The following GRPEL2 variants were observed in gnomAD, a reference collection of about 807,000 sequenced individuals.
GRPEL2 encodes the protein grpE protein homolog 2, mitochondrial.
A neutral mutation model predicts 25.9 loss-of-function variants in GRPEL2; 18 were observed. The ratio of observed to expected loss-of-function variants is 0.70; its 90% CI spans 0.48 to 1.03. The LOEUF is 1.03. Among genes scored for constraint, GRPEL2 ranks in the 50% least tolerant of loss-of-function variants. GRPEL2 has a pLI of 0.00. For synonymous variants in GRPEL2, 106 were observed against 107.9 expected (o/e 0.98, Z 0.11); for missense variants, 247 against 276.2 (o/e 0.89, Z 0.75).
chr5:149,350,944 G>C lies in GRPEL2; in HGVS notation c.340G>C (p.Val114Leu), dbSNP rs1369521547. ...FGIQSFCKDL[V>L]EVADILEKTT... is the part of the protein sequence containing the mutation. ...AATCCAGAGTTTCTGTAAGGACTTG[G>C]TGGAGGTGGCTGACATTTTGGAGAA... Residue 114 changes from valine (V) to leucine (L), a missense_variant, in exon 4 of 4, where the codon GTG becomes CTG. Val to Leu is a conservative substitution (Grantham distance 32). Around this residue, in one of 2 missense-constraint regions of GRPEL2, gnomAD observed 122 missense variants for 169.2 expected, o/e 0.72. Transcript: ENST00000329271. 3 of 1,613,882 alleles carry C rather than the reference G, an allele frequency of 1.9e-6. No homozygotes were observed. The highest frequency in any genetic ancestry group is 1.3e-5 in the African/African-American group (1 of 74,938).
Position 149,351,245 on chromosome 5 carries a change from G to T in GRPEL2, c.641G>T (p.Arg214Leu). The T allele has an allele frequency of 6.2e-7, 1 of 1,611,414 alleles. No individual in the cohort carries two copies. Among genetic ancestry groups the T allele is most frequent in the South Asian group, 1.1e-5 (1 of 91,030 alleles). ...KLHGRTIRLA[R>L]VEVAVESQRR... ...CATGGCCGCACCATTAGGCTTGCCC[G>T]AGTGGAAGTGGCAGTGGAGTCTCAG... The change falls in exon 4 of 4, where the codon CGA becomes CTA. Residue 214 changes from arginine (R) to leucine (L), a missense_variant. Physicochemically the swap from Arg to Leu is moderately radical, Grantham distance 102. Coordinates refer to ENST00000329271, the MANE Select transcript of GRPEL2 (RefSeq NM_152407.4).
Position 149,351,356 on chromosome 5 carries a change from G to A in GRPEL2, c.*74G>A, listed in dbSNP as rs1581359450. On this transcript the variant is annotated 3_prime_UTR_variant, in exon 4 of 4. Transcript: ENST00000329271. ...TTCTTTTATTTATTAAACTAGGTTT[G>A]TATTGTACATGAGGTACTTCATGTG... The A allele has an allele frequency of 3.5e-6, 5 of 1,447,262 alleles. No homozygotes were observed. The East Asian group carries it at 1.1e-4, about 33-fold the overall frequency. 89.7% of individuals were successfully genotyped at this position (1,447,262 alleles called of 1,614,324 possible). A position where few individuals can be genotyped will look rare whatever the true frequency, so the allele number is the denominator to read the frequency against.
rs1757786479 is a variant in GRPEL2, at chr5:149,352,191, T to G, written c.*909T>G. ...TGGTGATCAGGACAAAAGTGTTAGGTTCCCATGATTTCTCATTTCATTTAT... is the reference window on the plus strand; with the variant it reads ...TGGTGATCAGGACAAAAGTGTTAGGGTCCCATGATTTCTCATTTCATTTAT... On this transcript the variant is annotated 3_prime_UTR_variant, in exon 4 of 4. Transcript: ENST00000329271. 6.6e-6 allele frequency: 1 copy of G among 152,356 alleles called. No homozygotes were observed. The highest frequency in any genetic ancestry group is 1.9e-4 in the East Asian group (1 of 5,192). 9.4% of individuals were successfully genotyped at this position (152,356 alleles called of 1,614,324 possible). A position where few individuals can be genotyped will look rare whatever the true frequency, so the allele number is the denominator to read the frequency against.
At position 149,345,631 on chromosome 5, in the gene GRPEL2, C is replaced by T; in HGVS notation, c.77+15C>T. ...TGGGAGAGCAAGTAAGCATTGCAGG[C>T]GGGGAGTCGGGAGCGTGAGGACTCT... On this transcript the variant is annotated intron_variant, in intron 1 of 3. Transcript: ENST00000329271. 1 of 1,597,042 alleles carries T rather than the reference C, an allele frequency of 6.3e-7. No homozygotes were observed. Among genetic ancestry groups the T allele is most frequent in the Non-Finnish European group, 8.5e-7 (1 of 1,171,884 alleles).
Position 149,352,002 on chromosome 5 carries a change from G to A in GRPEL2, c.*720G>A, listed in dbSNP as rs1276729207. On this transcript the variant is annotated 3_prime_UTR_variant, in exon 4 of 4. Coordinates refer to ENST00000329271, the MANE Select transcript of GRPEL2 (RefSeq NM_152407.4). The stretch of plus-strand genomic sequence containing the variant: ...GTCTTTGCTCTTCAAATTATTTTCA[G>A]CCTCCTTGTCATATAATCATTTCAG... The A allele has an allele frequency of 6.6e-6, 1 of 152,138 alleles. No homozygotes were observed. The highest frequency in any genetic ancestry group is 1.5e-5 in the Non-Finnish European group (1 of 68,030). 9.4% of individuals were successfully genotyped at this position (152,138 alleles called of 1,614,324 possible).
At chr5:149,347,406 C>A (rs1757706583) in intron 1 of GRPEL2, among the ~76,000 whole-genome samples, 1 of 152,170 alleles carries the variant, frequency 6.6e-6, no homozygotes, top group Middle Eastern at 3.2e-3. Flanking sequence ...GATTGATTTT[C>A]AAGATAATTT....
intron 1 of GRPEL2, among the ~76,000 whole-genome samples, chr5:149,347,846 A>ATGCCCAC (rs1249490745): frequency 6.6e-6 from 1 of 152,136 alleles, no homozygotes; most frequent in Non-Finnish European, 1.5e-5. Context: ...GACTTTTTGA[A>ATGCCCAC]TGCCCACTTC....
chr5:149,347,967 G>A (rs189257357), intron 1 of GRPEL2: 8 of 225,550 alleles, frequency 3.5e-5, no homozygotes, highest in African/African-American at 6.8e-5. Context: ...CTGACCCAGC[G>A]GAATACCAAC....
At position 149,348,434 on chromosome 5, in the gene GRPEL2, A is replaced by C; in HGVS notation, c.231+9A>C. The C allele has an allele frequency of 6.3e-7, 1 of 1,581,226 alleles. No individual in the cohort carries two copies. The highest frequency in any genetic ancestry group is 8.6e-7 in the Non-Finnish European group (1 of 1,166,942). ...AAGTCCAAGATTTAACAGTGAGTCA[A>C]TTTTATATTTCTTCTTCATATCCTC... On this transcript the variant is annotated intron_variant, in intron 2 of 3. Transcript: ENST00000329271.
In GRPEL2 at chr5:149,348,328, G is replaced by A. The variant is rs757834160; in HGVS notation, c.134G>A (p.Arg45His). The change falls in exon 2 of 4, where the codon CGT becomes CAT. Residue 45 changes from arginine (R) to histidine (H), a missense_variant. Physicochemically the swap from Arg to His is conservative, Grantham distance 29. This residue lies in a region of GRPEL2 where 125 missense variants were observed against 107.0 expected (regional missense o/e 1.17). Transcript: ENST00000329271. ...CAGAGAACTGCTGGTGAGGACTGCC[G>A]TTCTGAGGACCCTCCTGATGAGCTT... The part of the protein sequence containing the change: ...ATQRTAGEDC[R>H]SEDPPDELGP... 30 of 1,613,116 alleles carry A rather than the reference G, an allele frequency of 1.9e-5. No homozygotes were observed. Among genetic ancestry groups the A allele is most frequent in the African/African-American group, 2.7e-5 (2 of 74,990 alleles).
intron 2 of GRPEL2, among the ~76,000 whole-genome samples, chr5:149,348,931 T>G (rs987512251): frequency 1.3e-5 from 2 of 151,950 alleles, no homozygotes; most frequent in Non-Finnish European, 2.9e-5. Flanking sequence ...CCACGAATTG[T>G]CTTAAGAATG....
chr5:149,349,238 C>T (rs1011175217), intron 2 of GRPEL2, among the ~76,000 whole-genome samples: 1 of 152,140 alleles, frequency 6.6e-6, no homozygotes, highest in African/African-American at 2.4e-5. Flanking sequence ...TCAAGTGATT[C>T]GCCCATCTCA....
chr5:149,347,229 T>G (rs539812350), intron 1 of GRPEL2, among the ~76,000 whole-genome samples: 3 of 152,206 alleles, frequency 2.0e-5, no homozygotes, highest in Non-Finnish European at 4.4e-5. Flanking sequence ...AAAAGTCCTC[T>G]TGCTTACACC....
Position 149,352,469 on chromosome 5 carries a change from C to A in GRPEL2, c.*1187C>A, listed in dbSNP as rs1414106825. 6.6e-6 allele frequency: 1 copy of A among 151,844 alleles called. No homozygotes were observed. Among genetic ancestry groups the A allele is most frequent in the Admixed American group, 6.6e-5 (1 of 15,216 alleles). The allele number at this position is 151,844 out of a possible 1,614,324, so 9.4% of individuals were successfully genotyped here. A position where few individuals can be genotyped will look rare whatever the true frequency, so the allele number is the denominator to read the frequency against. ...GTTTTTTTTTTTAAGTTGGTACTCA[C>A]AAATCACTACCTCTGTTATATTGAC... On this transcript the variant is annotated 3_prime_UTR_variant, in exon 4 of 4. Transcript: ENST00000329271.
In GRPEL2 at chr5:149,353,041, G is replaced by T. The variant is rs1005868355; in HGVS notation, c.*1759G>T. On this transcript the variant is annotated 3_prime_UTR_variant, in exon 4 of 4. Coordinates refer to ENST00000329271, the MANE Select transcript of GRPEL2 (RefSeq NM_152407.4). The stretch of plus-strand genomic sequence containing the variant: ...GAACTCTATGACATTCAGTGGAGTG[G>T]TGGAAAGTTAACCTCTTATACATTA... 1.8e-4 allele frequency: 27 copies of T among 152,720 alleles called. No individual in the cohort carries two copies. The highest frequency in any genetic ancestry group is 6.5e-4 in the African/African-American group (27 of 41,558). The allele number at this position is 152,720 out of a possible 1,614,324, so 9.5% of individuals were successfully genotyped here. A position where few individuals can be genotyped will look rare whatever the true frequency, so the allele number is the denominator to read the frequency against.
Position 149,349,718 on chromosome 5 carries a change from A to T in GRPEL2, c.296A>T (p.Glu99Val), listed in dbSNP as rs1411915371. The T allele has an allele frequency of 6.2e-7, 1 of 1,612,952 alleles. No individual in the cohort carries two copies. Among genetic ancestry groups the T allele is most frequent in the East Asian group, 2.2e-5 (1 of 44,870 alleles). ...NIRRRTQRCV[E>V]DAKIFGIQSF... Reference sequence around the variant, plus strand: ...AGGAGGCGAACCCAGAGATGTGTGGAAGACGCCAAGATATTTGGTGAGAGA... The same window carrying T: ...AGGAGGCGAACCCAGAGATGTGTGGTAGACGCCAAGATATTTGGTGAGAGA... Residue 99 changes from glutamate to valine, a missense_variant, in exon 3 of 4, where the codon GAA becomes GTA. Glu to Val is a moderately radical substitution (Grantham distance 121). This residue lies in a region of GRPEL2 where 122 missense variants were observed against 169.2 expected (regional missense o/e 0.72). Transcript: ENST00000329271.
intron 1 of GRPEL2, among the ~76,000 whole-genome samples, chr5:149,346,715 ATTTTTTTTTTTTTTTTTTTTTTTTTTT>A (rs34300270): frequency 1.7e-5 from 1 of 59,272 alleles, no homozygotes; most frequent in Non-Finnish European, 2.9e-5. Context: ...GGCCCTGAGA[ATTTTTTTTTTTTTTTTTTTTTTTTTTT>A]TTTTTTTTTT....
Position 149,348,360 on chromosome 5 carries a change from C to T in GRPEL2, c.166C>T (p.Pro56Ser). 6.2e-7 allele frequency: 1 copy of T among 1,613,462 alleles called. No individual in the cohort carries two copies. The highest frequency in any genetic ancestry group is 8.5e-7 in the Non-Finnish European group (1 of 1,179,868). The change falls in exon 2 of 4, where the codon CCT (proline) becomes TCT (serine). Residue 56 changes from proline to serine, a missense_variant. Physicochemically the swap from Pro to Ser is moderately conservative, Grantham distance 74 (BLOSUM62 -1). Around this residue, in one of 2 missense-constraint regions of GRPEL2, gnomAD observed 125 missense variants for 107.0 expected, o/e 1.17. Coordinates refer to ENST00000329271, the MANE Select transcript of GRPEL2 (RefSeq NM_152407.4). ...GGACCCTCCTGATGAGCTTGGGCCC[C>T]CTCTTGCTGAACGAGCCTTAAGGGT... ...SEDPPDELGPPLAERALRVKA... is the reference protein window; with the variant it reads ...SEDPPDELGPSLAERALRVKA...
At position 149,345,550 on chromosome 5, in the gene GRPEL2, G is replaced by C; in HGVS notation, c.11G>C (p.Arg4Pro). The change falls in exon 1 of 4, where the codon CGG (arginine) becomes CCG (proline). Residue 4 changes from arginine to proline, a missense_variant. By Grantham distance (103) the Arg-to-Pro change is moderately radical. This residue lies in a region of GRPEL2 where 125 missense variants were observed against 107.0 expected (regional missense o/e 1.17). Transcript: ENST00000329271. ...GCCCAAATTGGAAACATGGCCGTAC[G>C]GTCGCTGTGGGCGGGCCGGCTGCGG... is the stretch of plus-strand genomic sequence containing the variant. MAV[R>P]SLWAGRLRVQ... 1.2e-6 allele frequency: 2 copies of C among 1,611,518 alleles called. No homozygotes were observed. Among genetic ancestry groups the C allele is most frequent in the South Asian group, 1.1e-5 (1 of 90,434 alleles).
Sources: allele counts gnomAD v4.1 joint callset (sites outside exome capture counted in the v4.1 genomes callset), GRCh38; gene constraint gnomAD v4.1.1; regional missense constraint gnomAD v4.1.1; transcripts MANE v1.5; gene names NCBI Gene and HGNC (gene_info 2026-07-23, HGNC 2026-07-21).